The following ESRRG variants were observed in gnomAD, a reference collection of about 807,000 sequenced individuals.
ESRRG encodes the protein estrogen-related receptor gamma.
ESRRG carries 13 observed loss-of-function variants against 44.0 expected under a neutral mutation model. The ratio of observed to expected loss-of-function variants is 0.30; its 90% CI spans 0.19 to 0.47. The LOEUF is 0.47. Among genes scored for constraint, ESRRG ranks in the 20% least tolerant of loss-of-function variants. The probability of loss-of-function intolerance (pLI) is 1.00; values close to 1 mark genes in which losing one functional copy is unlikely to be tolerated. For synonymous variants in ESRRG, 215 were observed against 214.6 expected, an observed-to-expected ratio of 1.00 and a Z score of -0.02; for missense variants, 395 against 580.6, an observed-to-expected ratio of 0.68 and a Z score of 3.29.
chr1:216,894,192 T>C (rs984982943), intron 2 of ESRRG, among the ~76,000 whole-genome samples: 5 of 152,150 alleles, frequency 3.3e-5, no homozygotes, highest in African/African-American at 4.8e-5. Context: ...TGGATCATCC[T>C]GCAAAAGCTA....
rs146489705 is a variant in ESRRG, at chr1:217,039,140, C to T, written c.-106+50367G>A. On this transcript the variant is annotated intron_variant, in intron 1 of 7. Transcript: ENST00000359162. The stretch of plus-strand genomic sequence containing the variant: ...TGGACCTTATTGTTGATATCACCAT[C>T]AGCATTTTTGTCAAAACCATTCAAC... 6.6e-3 allele frequency among the ~76,000 whole-genome samples: 1,004 copies of T among 152,280 alleles called. 8 individuals are homozygous for T. The highest frequency in any genetic ancestry group is 0.023 in the African/African-American group (969 of 41,574).
intron 3 of ESRRG, among the ~76,000 whole-genome samples, chr1:216,640,131 C>T (rs2066091185): frequency 6.6e-6 from 1 of 152,160 alleles, no homozygotes; most frequent in Non-Finnish European, 1.5e-5. Context: ...TTGGGTAAGG[C>T]TGAGTGGCAG....
intron 2 of ESRRG, among the ~76,000 whole-genome samples, chr1:216,664,695 A>AG (rs2073446707): frequency 5.5e-5 from 2 of 36,076 alleles, no homozygotes; most frequent in Non-Finnish European, 1.6e-4. Context: ...TACTGAAGAA[A>AG]AAAAAAAAAA....
chr1:216,874,792 T>G (rs2096322201), intron 2 of ESRRG, among the ~76,000 whole-genome samples: 1 of 152,200 alleles, frequency 6.6e-6, no homozygotes, highest in South Asian at 2.1e-4. Flanking sequence ...TCTAATCAGC[T>G]GCCAGCACAG....
At chr1:217,012,362 G>C (rs572682558) in intron 1 of ESRRG, among the ~76,000 whole-genome samples, 189 of 152,248 alleles carry the variant, frequency 1.2e-3, no homozygotes, top group Non-Finnish European at 2.2e-3. Context: ...GATAAGATGT[G>C]ATCACAGGGA....
intron 2 of ESRRG, among the ~76,000 whole-genome samples, chr1:216,767,020 G>C (rs1446343188): frequency 6.6e-6 from 1 of 152,054 alleles, no homozygotes; most frequent in Non-Finnish European, 1.5e-5. Flanking sequence ...AAGAACTAGA[G>C]GTGATCTTAC....
At chr1:216,783,503 G>A (rs903284760) in intron 2 of ESRRG, among the ~76,000 whole-genome samples, 2 of 151,712 alleles carry the variant, frequency 1.3e-5, no homozygotes, top group Admixed American at 6.6e-5. Context: ...TTACCTCATC[G>A]GAAATCACAT....
intron 2 of ESRRG, among the ~76,000 whole-genome samples, chr1:216,738,123 A>T (rs2090207706): frequency 6.6e-6 from 1 of 151,452 alleles, no homozygotes; most frequent in African/African-American, 2.4e-5. Context: ...CCTGGGTCTC[A>T]CCCAGTGAAA....
Position 216,506,454 on chromosome 1 carries a change from G to A in ESRRG, c.*485C>T. The A allele has an allele frequency of 3.0e-6, 1 of 331,286 alleles. No individual in the cohort carries two copies. Among genetic ancestry groups the A allele is most frequent in the Non-Finnish European group, 5.9e-6 (1 of 170,488 alleles). The allele number at this position is 331,286 out of a possible 1,614,324, so 20.5% of individuals were successfully genotyped here. The stretch of plus-strand genomic sequence containing the variant: ...GATGGAAAGAAGGTCAAGAGGAAAG[G>A]AAAGGAAAGGGAAAAGGAAAGGGAA... On this transcript the variant is annotated 3_prime_UTR_variant, in exon 7 of 7. Coordinates refer to ENST00000408911, the MANE Select transcript of ESRRG (RefSeq NM_001438.4).
intron 5 of ESRRG, among the ~76,000 whole-genome samples, chr1:216,551,458 A>T (rs555153618): frequency 6.6e-6 from 1 of 152,282 alleles, no homozygotes; most frequent in Non-Finnish European, 1.5e-5. Flanking sequence ...CTCAGGCCAT[A>T]TAAAATGTAC....
At chr1:217,007,659 T>C (rs1230416676) in intron 1 of ESRRG, among the ~76,000 whole-genome samples, 1 of 152,204 alleles carries the variant, frequency 6.6e-6, no homozygotes, top group Non-Finnish European at 1.5e-5. Context: ...TTTATTTTGA[T>C]GAAACTGAGC....
At chr1:216,753,427 C>T (rs1364840858) in intron 2 of ESRRG, among the ~76,000 whole-genome samples, 1 of 151,954 alleles carries the variant, frequency 6.6e-6, no homozygotes, top group African/African-American at 2.4e-5. Context: ...AAGAGAAAAC[C>T]ATCAAAGGGT....
At chr1:216,743,654 G>GTCGTCA (rs1553562467) in intron 2 of ESRRG, among the ~76,000 whole-genome samples, 1 of 151,804 alleles carries the variant, frequency 6.6e-6, no homozygotes, top group African/African-American at 2.4e-5. Context: ...CTTCACTGTT[G>GTCGTCA]TCATCATCAT....
At chr1:216,990,150 T>C (rs947460078) in intron 1 of ESRRG, among the ~76,000 whole-genome samples, 1 of 152,090 alleles carries the variant, frequency 6.6e-6, no homozygotes, top group African/African-American at 2.4e-5. Flanking sequence ...GGTCAAACCA[T>C]TCAGATTTTC....
chr1:216,735,710 G>A (rs2089734003), intron 2 of ESRRG, among the ~76,000 whole-genome samples: 2 of 152,006 alleles, frequency 1.3e-5, no homozygotes, highest in Admixed American at 6.6e-5. Context: ...GCTGGGAGTG[G>A]TGGTTCATGC....
chr1:216,704,150 A>C (rs2066108), intron 1 of ESRRG, among the ~76,000 whole-genome samples: 128,518 of 152,166 alleles, frequency 0.84, 54,313 homozygotes, highest in South Asian at 0.91. Context: ...GGCTCAAAAA[A>C]AGCAGATCTT....
intron 1 of ESRRG, among the ~76,000 whole-genome samples, chr1:217,023,877 G>A (rs907113080): frequency 6.6e-6 from 1 of 152,200 alleles, no homozygotes; most frequent in Non-Finnish European, 1.5e-5. Context: ...AGATCAGTCT[G>A]TGAAGTCACC....
intron 5 of ESRRG, among the ~76,000 whole-genome samples, chr1:216,531,636 A>G (rs891553116): frequency 1.3e-5 from 2 of 152,174 alleles, no homozygotes; most frequent in Admixed American, 6.5e-5. Context: ...ATGCAGAATC[A>G]TTATCAGTGG....
intron 2 of ESRRG, among the ~76,000 whole-genome samples, chr1:216,923,484 G>T (rs2062094236): frequency 6.6e-6 from 1 of 152,020 alleles, no homozygotes; most frequent in Admixed American, 6.5e-5. Context: ...AAATAATGTG[G>T]GAAAGGATTA....
Sources: gnomAD v4.1 joint callset for allele counts (sites outside exome capture counted in the v4.1 genomes callset) on GRCh38, gnomAD v4.1.1 for gene constraint, MANE v1.5 for transcripts, NCBI Gene and HGNC (gene_info 2026-07-23, HGNC 2026-07-21) for gene names.